Variants in ACOXL observed in about 807,000 individuals in gnomAD.
The protein encoded by ACOXL is acyl-CoA oxidase like, also known as acyl-coenzyme A oxidase-like protein.
A neutral mutation model predicts 71.9 loss-of-function variants in ACOXL; 70 were observed. The ratio of observed to expected loss-of-function variants is 0.97; its 90% CI spans 0.80 to 1.19. The LOEUF (loss-of-function observed/expected upper bound fraction) is 1.19. Among genes scored for constraint, ACOXL ranks in the 50% most tolerant of loss-of-function variants. ACOXL has a pLI of 0.00. For synonymous variants in ACOXL, 253 were observed against 281.6 expected (o/e 0.90, Z 1.02); for missense variants, 703 against 736.3 (o/e 0.95, Z 0.52).
chr2:110,967,775 G>A, intron 12 of ACOXL: 1 of 629,980 alleles, frequency 1.6e-6, no homozygotes, highest in Non-Finnish European at 2.8e-6. Flanking sequence ...CTGAAAAACA[G>A]GCACTGCTGG....
At chr2:111,018,346 G>C (rs1373985695) in intron 14 of ACOXL, among the ~76,000 whole-genome samples, 1 of 152,182 alleles carries the variant, frequency 6.6e-6, no homozygotes, top group Non-Finnish European at 1.5e-5. Context: ...AGCGTGCCCT[G>C]TCCTATCATC....
intron 17 of ACOXL, among the ~76,000 whole-genome samples, chr2:111,107,000 T>C (rs940371001): frequency 7.9e-5 from 12 of 152,236 alleles, no homozygotes; most frequent in African/African-American, 2.9e-4. Flanking sequence ...AAAGGAAGGA[T>C]GCCTCTCTAC....
chr2:110,885,651 A>C (rs1446637601), intron 10 of ACOXL, among the ~76,000 whole-genome samples: 1 of 152,204 alleles, frequency 6.6e-6, no homozygotes, highest in Non-Finnish European at 1.5e-5. Flanking sequence ...TTTGTGTGTA[A>C]CATTGTGTAT....
chr2:110,896,886 G>A (rs1333780414), intron 10 of ACOXL, among the ~76,000 whole-genome samples: 1 of 151,940 alleles, frequency 6.6e-6, no homozygotes, highest in African/African-American at 2.4e-5. Context: ...GGATCTAATT[G>A]ACATTTATAG....
intron 11 of ACOXL, among the ~76,000 whole-genome samples, chr2:110,924,102 A>T (rs536320866): frequency 2.2e-4 from 34 of 152,338 alleles, no homozygotes; most frequent in African/African-American, 8.2e-4. Context: ...ACTGTACTAC[A>T]GCCTATTAAG....
intron 2 of ACOXL, among the ~76,000 whole-genome samples, chr2:110,772,643 C>T (rs1444291117): frequency 2.0e-5 from 3 of 152,296 alleles, no homozygotes; most frequent in Admixed American, 6.5e-5. Context: ...ACCGTTCTCT[C>T]TCTCACCCAG....
intron 10 of ACOXL, among the ~76,000 whole-genome samples, chr2:110,870,945 G>A (rs13027870): frequency 0.23 from 34,317 of 152,054 alleles, 4,188 homozygotes; most frequent in South Asian, 0.29. Context: ...GGCCTGCTCA[G>A]GAGGGACCCC....
intron 10 of ACOXL, among the ~76,000 whole-genome samples, chr2:110,869,744 G>A (rs550047806): frequency 1.3e-5 from 2 of 152,344 alleles, no homozygotes; most frequent in South Asian, 2.1e-4. Flanking sequence ...GAGCCACTGT[G>A]CTCTCTTGGC....
intron 16 of ACOXL, among the ~76,000 whole-genome samples, 184 bp from the exon 17 acceptor site, chr2:111,092,681 A>G (rs1029231774): frequency 6.6e-6 from 1 of 152,202 alleles, no homozygotes; most frequent in Non-Finnish European, 1.5e-5. Flanking sequence ...TTTTCATAGA[A>G]TTCTTTTAAA....
chr2:110,879,356 A>G (rs1353530492), intron 10 of ACOXL, among the ~76,000 whole-genome samples: 2 of 152,210 alleles, frequency 1.3e-5, no homozygotes, highest in Non-Finnish European at 2.9e-5. Context: ...TGTCCGTGCC[A>G]TGGAACCTTC....
At chr2:110,851,935 T>G (rs1373076558) in intron 10 of ACOXL, among the ~76,000 whole-genome samples, 2 of 152,172 alleles carry the variant, frequency 1.3e-5, no homozygotes, top group Non-Finnish European at 2.9e-5. Context: ...CAGCTCCCAC[T>G]GGGTTGAATG....
At chr2:110,974,594 A>G (rs2062360679) in intron 12 of ACOXL, among the ~76,000 whole-genome samples, 1 of 152,334 alleles carries the variant, frequency 6.6e-6, no homozygotes, top group Non-Finnish European at 1.5e-5. Context: ...TGTTAGTTAG[A>G]GATTTTGCAT....
intron 9 of ACOXL, among the ~76,000 whole-genome samples, chr2:110,818,408 A>AC (rs1279476284): frequency 0.025 from 3,300 of 131,416 alleles, 113 homozygotes; most frequent in Middle Eastern, 0.057. Flanking sequence ...AAAAAAAAAA[A>AC]ACATATATAT....
Position 110,799,116 on chromosome 2 carries a change from C to T in ACOXL, c.547+16C>T, listed in dbSNP as rs772820078. On this transcript the variant is annotated intron_variant, in intron 7 of 17. Coordinates refer to ENST00000439055, the MANE Select transcript of ACOXL (RefSeq NM_001142807.4). ...TACAAGGAGGGTGAGTCCCCAGGTGCCCTTTTCCTGTGCTCACTCTTCCTA... is the reference window on the plus strand; with the variant it reads ...TACAAGGAGGGTGAGTCCCCAGGTGTCCTTTTCCTGTGCTCACTCTTCCTA... 1.9e-6 allele frequency: 3 copies of T among 1,611,658 alleles called. No homozygotes were observed. The highest frequency in any genetic ancestry group is 1.1e-5 in the South Asian group (1 of 91,028).
intron 17 of ACOXL, among the ~76,000 whole-genome samples, chr2:111,102,754 A>G (rs1203703394): frequency 6.6e-6 from 1 of 152,246 alleles, no homozygotes. Context: ...ATTTAAATAA[A>G]TTACTGAACT....
At chr2:110,855,506 G>A (rs911939526) in intron 10 of ACOXL, among the ~76,000 whole-genome samples, 4 of 152,136 alleles carry the variant, frequency 2.6e-5, no homozygotes, top group African/African-American at 9.7e-5. Flanking sequence ...AAATCAAAAA[G>A]CAACTTTACA....
chr2:110,888,633 CAGT>C (rs991407516), intron 10 of ACOXL, among the ~76,000 whole-genome samples: 37 of 152,200 alleles, frequency 2.4e-4, no homozygotes, highest in Admixed American at 7.9e-4. Context: ...TTTGTCTTGA[CAGT>C]AGTGCTAGAG....
intron 15 of ACOXL, among the ~76,000 whole-genome samples, chr2:111,048,370 T>G (rs1033211674): frequency 7.2e-5 from 11 of 152,234 alleles, no homozygotes; most frequent in African/African-American, 2.7e-4. Flanking sequence ...AAGGCTAAAC[T>G]AGTTGGGTTA....
intron 10 of ACOXL, among the ~76,000 whole-genome samples, chr2:110,878,196 G>A (rs1273563733): frequency 2.6e-5 from 4 of 152,092 alleles, no homozygotes; most frequent in Admixed American, 6.5e-5. Context: ...TCAAAAGAAC[G>A]ACCAAGGAAT....
Sources: gnomAD v4.1 joint callset for allele counts (sites outside exome capture counted in the v4.1 genomes callset) on GRCh38, gnomAD v4.1.1 for gene constraint, MANE v1.5 for transcripts, NCBI Gene and HGNC (gene_info 2026-07-23, HGNC 2026-07-21) for gene names.